PTPRN2: variants seen among roughly 807,000 people sequenced by gnomAD.
The protein encoded by PTPRN2 is receptor-type tyrosine-protein phosphatase N2.
Under a neutral mutation model 118.8 loss-of-function variants are expected in PTPRN2, and 74 were observed. That is an observed-to-expected ratio of 0.62 (90% confidence interval 0.52 to 0.76). PTPRN2 has a LOEUF of 0.76. Among genes scored for constraint, PTPRN2 ranks in the 30% least tolerant of loss-of-function variants. The pLI is 0.00. For missense variants in PTPRN2, 1,481 were observed against 1,394.4 expected (o/e 1.06, Z -0.99); for synonymous variants, 641 against 608.0 (o/e 1.05, Z -0.80).
chr7:157,661,700 T>C (rs1795901540), intron 13 of PTPRN2, among the ~76,000 whole-genome samples: 1 of 151,816 alleles, frequency 6.6e-6, no homozygotes. Flanking sequence ...GGGTCCTGGG[T>C]GGAGGAGGTG....
chr7:157,587,274 G>GA lies in PTPRN2; in HGVS notation c.2496+7963_2496+7964insT, dbSNP rs1800736227. 6.6e-6 allele frequency among the ~76,000 whole-genome samples: 1 copy of GA among 150,972 alleles called. No individual in the cohort carries two copies. Among genetic ancestry groups the GA allele is most frequent in the African/African-American group, 2.5e-5 (1 of 40,634 alleles). On this transcript the variant is annotated intron_variant, in intron 17 of 22. Transcript: ENST00000389418. This position sits in a 1 kb window ranked among gnomAD's most constrained non-coding sequence, Gnocchi z 5.3. ...GGCAGACAGACAGGCAGACAAACAG[G>GA]CAGACAGGCAGACGAGCCACTGGTG...
chr7:158,310,032 A>G (rs1290414930), intron 3 of PTPRN2, among the ~76,000 whole-genome samples: 1 of 152,176 alleles, frequency 6.6e-6, no homozygotes, highest in East Asian at 1.9e-4. Flanking sequence ...CCACCACCAG[A>G]CACCAAATAT....
At chr7:157,612,069 C>T (rs918393273) in intron 15 of PTPRN2, among the ~76,000 whole-genome samples, 8 of 152,168 alleles carry the variant, frequency 5.3e-5, no homozygotes, top group African/African-American at 1.7e-4. Context: ...GGCGCTCTGT[C>T]CCTGCAGCCC....
chr7:157,652,969 CG>C (rs1313727374), intron 14 of PTPRN2, among the ~76,000 whole-genome samples: 2 of 152,188 alleles, frequency 1.3e-5, no homozygotes, highest in Admixed American at 6.5e-5. Flanking sequence ...AGGGGGCTCT[CG>C]GGGCCAGGAG....
Position 157,578,027 on chromosome 7 carries a change from G to C in PTPRN2, c.2610C>G (p.Ile870Met), listed in dbSNP as rs1011017676. 38 of 1,610,870 alleles carry C rather than the reference G, an allele frequency of 2.4e-5. No individual in the cohort carries two copies. The highest frequency in any genetic ancestry group is 2.0e-4 in the Admixed American group (12 of 59,902). ...GTGGCTCTGGTCGGAGTACCTCATA[G>C]ATGTGGTAGAGATTGGAGCCTTCAT... is the stretch of plus-strand genomic sequence containing the variant. ...WPDEGSNLYHIYEVNLVSEHI... is the reference protein window; with the variant it reads ...WPDEGSNLYHMYEVNLVSEHI... The change falls in exon 18 of 23, where the codon ATC becomes ATG. Residue 870 changes from isoleucine to methionine, a missense_variant. Ile to Met is a conservative substitution (Grantham distance 10). This residue lies in a region of PTPRN2 where 362 missense variants were observed against 384.1 expected (regional missense o/e 0.94). Coordinates refer to ENST00000389418, the MANE Select transcript of PTPRN2 (RefSeq NM_002847.5).
intron 11 of PTPRN2, among the ~76,000 whole-genome samples, chr7:158,057,636 G>A (rs1809895106): frequency 6.6e-6 from 1 of 152,106 alleles, no homozygotes. Flanking sequence ...AAGGGAAGTG[G>A]GTGCATGGAG....
At position 157,881,509 on chromosome 7, in the gene PTPRN2, C is replaced by T. The variant is rs1041776698; in HGVS notation, c.1788+17164G>A. Among the ~76,000 whole-genome samples the T allele has an allele frequency of 6.6e-6, 1 of 152,052 alleles. No individual in the cohort carries two copies. Among genetic ancestry groups the T allele is most frequent in the African/African-American group, 2.4e-5 (1 of 41,380 alleles). On this transcript the variant is annotated intron_variant, in intron 12 of 22. Coordinates refer to ENST00000389418, the MANE Select transcript of PTPRN2 (RefSeq NM_002847.5). This position sits in a 1 kb window ranked among gnomAD's most constrained non-coding sequence, Gnocchi z 4.7. ...AGCAATAAAGGTTTGTGACTGAAGC[C>T]CCCCACTCTGCAGTATTCTGTTGTG...
rs557064713 is a variant in PTPRN2 at position 158,492,395 on chromosome 7, C to A, written c.113-2610G>T. Among the ~76,000 whole-genome samples, 21 of 152,344 alleles carry A rather than the reference C, an allele frequency of 1.4e-4. No individual in the cohort carries two copies. In the South Asian group the frequency reaches 4.1e-3, roughly 30 times the overall value. ...GATGACGGAGCTCTGCTAGGAGAGG[C>A]ACCGGGAAGAAAGCCCCTGTTTTCT... On this transcript the variant is annotated intron_variant, in intron 1 of 22. Coordinates refer to ENST00000389418, the MANE Select transcript of PTPRN2 (RefSeq NM_002847.5).
rs1348238254 is a variant in PTPRN2 at position 157,540,321 on chromosome 7, A to G, written c.*393T>C. The stretch of plus-strand genomic sequence containing the variant: ...CTGAGTGCTGCCAGCTTCCCCGGCC[A>G]CTCCTGCACAGTGGATCCACCCTCC... On this transcript the variant is annotated 3_prime_UTR_variant, in exon 23 of 23. Coordinates refer to ENST00000389418, the MANE Select transcript of PTPRN2 (RefSeq NM_002847.5). 1.3e-5 allele frequency: 2 copies of G among 157,742 alleles called. No homozygotes were observed. Among genetic ancestry groups the G allele is most frequent in the African/African-American group, 4.8e-5 (2 of 41,516 alleles). The allele number at this position is 157,742 out of a possible 1,614,324, so 9.8% of individuals were successfully genotyped here. A position where few individuals can be genotyped will look rare whatever the true frequency, so the allele number is the denominator to read the frequency against.
intron 3 of PTPRN2, among the ~76,000 whole-genome samples, chr7:158,301,519 C>A (rs975215907): frequency 2.0e-5 from 3 of 152,246 alleles, no homozygotes; most frequent in Non-Finnish European, 4.4e-5. Flanking sequence ...ACACCACTCC[C>A]CAGCTCTTGC....
At chr7:157,789,991 G>GT (rs1804347140) in intron 12 of PTPRN2, among the ~76,000 whole-genome samples, 2 of 136,388 alleles carry the variant, frequency 1.5e-5, no homozygotes, top group South Asian at 2.6e-4. Context: ...GTGTGTGGTG[G>GT]GGGTGTGTGT....
Position 158,093,630 on chromosome 7 carries a change from T to C in PTPRN2, c.1644-12253A>G, listed in dbSNP as rs187697974. Among the ~76,000 whole-genome samples, 595 of 152,368 alleles carry C rather than the reference T, an allele frequency of 3.9e-3. 2 individuals are homozygous for C. The highest frequency in any genetic ancestry group is 0.013 in the African/African-American group (556 of 41,582). Reference sequence around the variant, plus strand: ...CTCTTTGCATGCCTCATTCCAGCTATGTCTTCTTACAGAGGAGACATCGGG... The same window carrying C: ...CTCTTTGCATGCCTCATTCCAGCTACGTCTTCTTACAGAGGAGACATCGGG... On this transcript the variant is annotated intron_variant, in intron 10 of 22. Coordinates refer to ENST00000389418, the MANE Select transcript of PTPRN2 (RefSeq NM_002847.5). This position sits in a 1 kb window ranked among gnomAD's most constrained non-coding sequence, Gnocchi z 4.4.
At chr7:158,000,441 G>A (rs1018839828) in intron 11 of PTPRN2, among the ~76,000 whole-genome samples, 2 of 152,008 alleles carry the variant, frequency 1.3e-5, no homozygotes, top group Admixed American at 6.5e-5. Context: ...GAGAGGCCGG[G>A]ATGAAAGCAC....
At chr7:158,385,791 C>T (rs549155087) in intron 2 of PTPRN2, among the ~76,000 whole-genome samples, 3 of 152,250 alleles carry the variant, frequency 2.0e-5, no homozygotes, top group Non-Finnish European at 2.9e-5. Context: ...TGACCTTGTG[C>T]GTCTCTCCTG....
chr7:158,149,389 G>A (rs372428914), intron 6 of PTPRN2, among the ~76,000 whole-genome samples: 2 of 150,860 alleles, frequency 1.3e-5, no homozygotes, highest in Non-Finnish European at 2.9e-5. Context: ...TGTCTTTTCA[G>A]TATAAACTCT....
chr7:157,771,668 C>A (rs932133159), intron 12 of PTPRN2, among the ~76,000 whole-genome samples: 2 of 152,092 alleles, frequency 1.3e-5, no homozygotes, highest in African/African-American at 4.8e-5. Flanking sequence ...CAGAGACACA[C>A]AAACACACAG....
At chr7:157,745,806 A>G (rs1418734365) in intron 12 of PTPRN2, among the ~76,000 whole-genome samples, 2 of 152,166 alleles carry the variant, frequency 1.3e-5, no homozygotes, top group African/African-American at 4.8e-5. Flanking sequence ...TCGGTAAATG[A>G]AACCTAACAT....
At chr7:158,552,431 T>C (rs888212384) in intron 1 of PTPRN2, among the ~76,000 whole-genome samples, 1 of 152,212 alleles carries the variant, frequency 6.6e-6, no homozygotes, top group African/African-American at 2.4e-5. Flanking sequence ...TTTTAAAAAA[T>C]AATTTTTCTC....
At chr7:157,885,025 C>A (rs1394773814) in intron 12 of PTPRN2, among the ~76,000 whole-genome samples, 2 of 152,116 alleles carry the variant, frequency 1.3e-5, no homozygotes, top group African/African-American at 4.8e-5. Flanking sequence ...GCTTGTTTAT[C>A]TCTTGTGAAT....
Sources: gnomAD v4.1 joint callset for allele counts (sites outside exome capture counted in the v4.1 genomes callset) on GRCh38, gnomAD v4.1.1 for gene constraint, gnomAD v4.1.1 regional missense constraint, Gnocchi (gnomAD v3.1) non-coding constraint, MANE v1.5 for transcripts, NCBI Gene and HGNC (gene_info 2026-07-23, HGNC 2026-07-21) for gene names.